The following TBC1D19 variants were observed in gnomAD, a reference collection of about 807,000 sequenced individuals.
TBC1D19 encodes TBC1 domain family, member 19.
In TBC1D19, 60 loss-of-function variants were observed where a neutral mutation model predicts 89.0. The ratio of observed to expected loss-of-function variants is 0.67; its 90% confidence interval spans 0.55 to 0.84. The LOEUF is 0.84. Among genes scored for constraint, TBC1D19 ranks in the 40% least tolerant of loss-of-function variants. The pLI is 0.00. For synonymous variants in TBC1D19, 189 were observed against 199.7 expected (o/e 0.95, Z 0.45); for missense variants, 500 against 610.8 (o/e 0.82, Z 1.91).
chr4:26,742,773 T>G (rs1460111185), intron 18 of TBC1D19, among the ~76,000 whole-genome samples, 174 bp downstream of exon 18: 1 of 152,138 alleles, frequency 6.6e-6, no homozygotes, highest in East Asian at 1.9e-4. Context: ...CCAAAAATTC[T>G]TGAAAGAATT....
chr4:26,641,944 C>G (rs945751957), intron 7 of TBC1D19, among the ~76,000 whole-genome samples: 7 of 152,166 alleles, frequency 4.6e-5, no homozygotes, highest in African/African-American at 1.7e-4. Flanking sequence ...AAGACCAAAT[C>G]TACATTTGAT....
chr4:26,836,431 A>G, the TBC1D19 span, among the ~76,000 whole-genome samples: 1 of 152,172 alleles, frequency 6.6e-6, no homozygotes, highest in African/African-American at 2.4e-5. Context: ...GGGCAGAGGG[A>G]GGTGGGAATC....
chr4:26,698,221 GACAA>G lies in TBC1D19; in HGVS notation c.954+9818_954+9821del, dbSNP rs1039176680. 5.3e-4 allele frequency among the ~76,000 whole-genome samples: 81 copies of G among 152,254 alleles called. 1 individual carries two copies. The highest frequency in any genetic ancestry group is 1.8e-3 in the African/African-American group (73 of 41,550). ...CAAGCATTCTTATTCATCAATAGCAGACAAACAGAGACCAAAATCATGAGTGAAC... is the reference window on the plus strand; with the variant it reads ...CAAGCATTCTTATTCATCAATAGCAGACAGAGACCAAAATCATGAGTGAAC... On this transcript the variant is annotated intron_variant, in intron 13 of 20. Coordinates refer to ENST00000264866, the MANE Select transcript of TBC1D19 (RefSeq NM_018317.4).
the TBC1D19 span, among the ~76,000 whole-genome samples, chr4:26,834,695 C>T: frequency 0.03 from 4,516 of 152,220 alleles, 297 homozygotes; most frequent in East Asian, 0.31. Context: ...TACTCGTTTT[C>T]ATTCTTCTTC....
the TBC1D19 span, among the ~76,000 whole-genome samples, chr4:26,782,941 G>A: frequency 3.9e-5 from 6 of 151,922 alleles, no homozygotes; most frequent in Non-Finnish European, 8.8e-5. Flanking sequence ...TGCAAAATAC[G>A]ACTGCAGAAT....
At chr4:26,664,879 C>G (rs1162953365) in intron 8 of TBC1D19, among the ~76,000 whole-genome samples, 1 of 152,112 alleles carries the variant, frequency 6.6e-6, no homozygotes, top group African/African-American at 2.4e-5. Flanking sequence ...AGCTGAGTTA[C>G]AAACCCCGTG....
At chr4:26,596,448 G>A (rs1000641125) in intron 1 of TBC1D19, among the ~76,000 whole-genome samples, 1 of 146,932 alleles carries the variant, frequency 6.8e-6, no homozygotes, top group African/African-American at 2.6e-5. Context: ...TTCTGATAAT[G>A]GTAACTCGTG....
intron 8 of TBC1D19, chr4:26,663,106 G>C (rs1745315828): frequency 1.3e-5 from 2 of 152,160 alleles, no homozygotes; most frequent in Non-Finnish European, 2.9e-5. Context: ...GATCTCACAG[G>C]CTTGACCACA....
the TBC1D19 span, among the ~76,000 whole-genome samples, chr4:26,827,103 A>C: frequency 6.6e-6 from 1 of 152,236 alleles, no homozygotes; most frequent in African/African-American, 2.4e-5. Context: ...TGGCCTTGCC[A>C]TGATACTTCT....
intron 13 of TBC1D19, among the ~76,000 whole-genome samples, chr4:26,717,630 C>T (rs1716713108): frequency 6.6e-6 from 1 of 152,018 alleles, no homozygotes; most frequent in Admixed American, 6.6e-5. Context: ...ATACATTTTT[C>T]ATCTGTTAAA....
Position 26,739,888 on chromosome 4 carries a change from A to G in TBC1D19, c.1142A>G (p.His381Arg), listed in dbSNP as rs563489042. 6.9e-6 allele frequency: 11 copies of G among 1,595,414 alleles called. No homozygotes were observed. The Admixed American group carries it at 1.2e-4, about 18-fold the overall frequency. Residue 381 changes from histidine to arginine, a missense_variant, in exon 17 of 21, where the codon CAT (histidine) becomes CGT (arginine). By Grantham distance (29) the His-to-Arg change is conservative. This residue lies in a region of TBC1D19 where 220 missense variants were observed against 319.1 expected (regional missense o/e 0.69). Coordinates refer to ENST00000264866, the MANE Select transcript of TBC1D19 (RefSeq NM_018317.4). The stretch of plus-strand genomic sequence containing the variant: ...GTTGCACCACTTTGTTTTCTATACC[A>G]TGAACCTTCCAAATTGTATCAGATA... Reference protein sequence around the residue: ...MYVAPLCFLYHEPSKLYQIFR... With the variant: ...MYVAPLCFLYREPSKLYQIFR...
At chr4:26,841,170 A>G in the TBC1D19 span, among the ~76,000 whole-genome samples, 1 of 152,204 alleles carries the variant, frequency 6.6e-6, no homozygotes, top group African/African-American at 2.4e-5. Flanking sequence ...TGAGGTCAGG[A>G]GTTTGAGCCC....
chr4:26,845,264 A>T, the TBC1D19 span, among the ~76,000 whole-genome samples: 1 of 152,206 alleles, frequency 6.6e-6, no homozygotes, highest in South Asian at 2.1e-4. Flanking sequence ...TCTGATAAAC[A>T]TCTTTACTTA....
intron 4 of TBC1D19, among the ~76,000 whole-genome samples, chr4:26,629,851 G>A (rs1742692127): frequency 1.3e-5 from 2 of 151,730 alleles, no homozygotes; most frequent in South Asian, 2.1e-4. Flanking sequence ...AAATATATAT[G>A]TTTTTATGTC....
chr4:26,669,834 A>T (rs545595396), intron 9 of TBC1D19, among the ~76,000 whole-genome samples: 1 of 151,956 alleles, frequency 6.6e-6, no homozygotes, highest in East Asian at 1.9e-4. Context: ...GAACTGTATA[A>T]ACTACATTGA....
the TBC1D19 span, among the ~76,000 whole-genome samples, chr4:26,768,891 A>C: frequency 1.3e-5 from 2 of 152,086 alleles, no homozygotes. Context: ...AGGGGAGGAT[A>C]TCTCAAAAAA....
chr4:26,734,942 ATG>A (rs1481631695), intron 15 of TBC1D19, among the ~76,000 whole-genome samples: 2 of 58,838 alleles, frequency 3.4e-5, no homozygotes, highest in African/African-American at 9.1e-5. Flanking sequence ...GTGTGTATAT[ATG>A]TATACACATA....
At chr4:26,778,420 AAAAG>A in the TBC1D19 span, among the ~76,000 whole-genome samples, 2 of 148,214 alleles carry the variant, frequency 1.3e-5, no homozygotes, top group Admixed American at 6.7e-5. Context: ...CATCTCAAAA[AAAAG>A]AAAGAAAGGA....
chr4:26,734,064 C>T (rs1717822875), intron 15 of TBC1D19, among the ~76,000 whole-genome samples: 1 of 152,166 alleles, frequency 6.6e-6, no homozygotes, highest in African/African-American at 2.4e-5. Context: ...TATTTCTGAA[C>T]ATTTTCACAT....
Sources: allele counts gnomAD v4.1 joint callset (sites outside exome capture counted in the v4.1 genomes callset), GRCh38; gene constraint gnomAD v4.1.1; regional missense constraint gnomAD v4.1.1; transcripts MANE v1.5; gene names NCBI Gene and HGNC (gene_info 2026-07-23, HGNC 2026-07-21).